GLIS1: variants seen among roughly 807,000 people sequenced by gnomAD.
GLIS1 encodes the protein zinc finger protein GLIS1.
In GLIS1, 24 loss-of-function variants were observed where a neutral mutation model predicts 63.8. That is an observed-to-expected ratio of 0.38 (90% confidence interval 0.27 to 0.53). The LOEUF (loss-of-function observed/expected upper bound fraction) is 0.53, where lower values mean the gene tolerates loss of function less well. GLIS1 is among the 20% of genes least tolerant of loss of function. GLIS1 has a pLI of 0.85. For missense variants in GLIS1, 1,036 were observed against 1,074.1 expected (o/e 0.96, Z 0.50); for synonymous variants, 450 against 482.5 (o/e 0.93, Z 0.88).
intron 7 of GLIS1, among the ~76,000 whole-genome samples, chr1:53,517,273 C>G (rs1203839084): frequency 6.6e-6 from 1 of 151,984 alleles, no homozygotes; most frequent in Non-Finnish European, 1.5e-5. Flanking sequence ...GCTGTGAGAC[C>G]CAGGGGCTCT....
intron 2 of GLIS1, among the ~76,000 whole-genome samples, chr1:53,638,809 G>A (rs1202729178): frequency 6.6e-6 from 1 of 152,148 alleles, no homozygotes; most frequent in Non-Finnish European, 1.5e-5. Flanking sequence ...GGAGTGGCCG[G>A]GGGAGCACAT....
intron 2 of GLIS1, among the ~76,000 whole-genome samples, chr1:53,636,206 A>C (rs1170682619): frequency 6.6e-6 from 1 of 152,218 alleles, no homozygotes; most frequent in Admixed American, 6.5e-5. Context: ...TAAAATATTA[A>C]CAAATGAAAC....
At chr1:53,553,201 G>A (rs548441302) in intron 4 of GLIS1, among the ~76,000 whole-genome samples, 19 of 152,280 alleles carry the variant, frequency 1.2e-4, no homozygotes, top group African/African-American at 4.3e-4. Flanking sequence ...CCTGGAAAGC[G>A]CAGCCTCGGG....
intron 4 of GLIS1, among the ~76,000 whole-genome samples, chr1:53,532,115 T>C (rs879651643): frequency 1.3e-5 from 2 of 152,134 alleles, no homozygotes; most frequent in Non-Finnish European, 2.9e-5. Flanking sequence ...CCAGTGAGCC[T>C]GGACTCCACC....
intron 2 of GLIS1, among the ~76,000 whole-genome samples, chr1:53,704,733 G>T (rs1438861556): frequency 6.6e-6 from 1 of 152,200 alleles, no homozygotes; most frequent in Non-Finnish European, 1.5e-5. Flanking sequence ...TTAGCCCCTG[G>T]CTCTGTGGGC....
intron 4 of GLIS1, among the ~76,000 whole-genome samples, chr1:53,530,220 G>A (rs1348088913): frequency 4.6e-5 from 7 of 152,206 alleles, no homozygotes; most frequent in Admixed American, 2.0e-4. Flanking sequence ...TTCTGGACCC[G>A]AAAGGCTCCC....
intron 2 of GLIS1, among the ~76,000 whole-genome samples, chr1:53,643,234 G>C (rs902006352): frequency 6.6e-6 from 1 of 152,160 alleles, no homozygotes; most frequent in African/African-American, 2.4e-5. Context: ...ATTTACACTT[G>C]GGCCGCTTCT....
chr1:53,681,279 A>G (rs72896791), intron 2 of GLIS1, among the ~76,000 whole-genome samples: 14,225 of 152,308 alleles, frequency 0.093, 1,297 homozygotes, highest in African/African-American at 0.24. Flanking sequence ...AGGGCTGCTC[A>G]TCAGAACCAG....
intron 4 of GLIS1, among the ~76,000 whole-genome samples, chr1:53,548,151 G>A (rs973954842): frequency 6.6e-6 from 1 of 152,172 alleles, no homozygotes; most frequent in Non-Finnish European, 1.5e-5. Flanking sequence ...CATGGGACTT[G>A]GGGGCCAAAG....
At chr1:53,568,433 A>G (rs1644954749) in intron 4 of GLIS1, among the ~76,000 whole-genome samples, 1 of 152,180 alleles carries the variant, frequency 6.6e-6, no homozygotes, top group Non-Finnish European at 1.5e-5. Flanking sequence ...CTTTGGACTC[A>G]GACTTTTGAG....
At chr1:53,642,474 T>G (rs1055881350) in intron 2 of GLIS1, among the ~76,000 whole-genome samples, 9 of 152,190 alleles carry the variant, frequency 5.9e-5, no homozygotes, top group Non-Finnish European at 1.0e-4. Flanking sequence ...GAATGGCTCA[T>G]AGTATCCACA....
intron 2 of GLIS1, among the ~76,000 whole-genome samples, chr1:53,734,989 C>T (rs4927033): frequency 0.1 from 15,853 of 152,100 alleles, 854 homozygotes; most frequent in Middle Eastern, 0.12. Context: ...CACACCATCC[C>T]AGTGCCTCCC....
chr1:53,628,890 G>A (rs753601786), intron 2 of GLIS1, among the ~76,000 whole-genome samples: 5 of 152,114 alleles, frequency 3.3e-5, no homozygotes, highest in Non-Finnish European at 7.4e-5. Flanking sequence ...ATCCTGGCTC[G>A]TCTGTTTACA....
At chr1:53,549,977 G>A (rs1319944853) in intron 4 of GLIS1, among the ~76,000 whole-genome samples, 2 of 152,192 alleles carry the variant, frequency 1.3e-5, no homozygotes, top group Non-Finnish European at 2.9e-5. Flanking sequence ...ACTCCAACTG[G>A]GAAGTGGTGC....
chr1:53,514,323 C>T (rs1644327532), intron 8 of GLIS1, among the ~76,000 whole-genome samples: 1 of 152,030 alleles, frequency 6.6e-6, no homozygotes, highest in Admixed American at 6.5e-5. Flanking sequence ...TGTGGCAGCC[C>T]AGAATGCAGG....
chr1:53,612,552 T>C (rs1645435452), intron 2 of GLIS1, among the ~76,000 whole-genome samples: 1 of 152,088 alleles, frequency 6.6e-6, no homozygotes, highest in Non-Finnish European at 1.5e-5. Context: ...TTAGGCTTAC[T>C]TTTTGGCACT....
At chr1:53,534,352 C>T (rs1186735826) in intron 4 of GLIS1, among the ~76,000 whole-genome samples, 1 of 151,994 alleles carries the variant, frequency 6.6e-6, no homozygotes, top group Non-Finnish European at 1.5e-5. Flanking sequence ...GCCACTGGGG[C>T]GGGGCCTTCC....
chr1:53,522,351 G>T (rs1004069229), intron 6 of GLIS1, among the ~76,000 whole-genome samples: 1 of 152,238 alleles, frequency 6.6e-6, no homozygotes, highest in Non-Finnish European at 1.5e-5. Flanking sequence ...GTCCCCGGGG[G>T]CTCAGTGCGA....
At chr1:53,642,474 T>C (rs1055881350) in intron 2 of GLIS1, among the ~76,000 whole-genome samples, 1 of 152,190 alleles carries the variant, frequency 6.6e-6, no homozygotes, top group African/African-American at 2.4e-5. Context: ...GAATGGCTCA[T>C]AGTATCCACA....
Sources: allele counts gnomAD v4.1 joint callset (sites outside exome capture counted in the v4.1 genomes callset), GRCh38; gene constraint gnomAD v4.1.1; transcripts MANE v1.5; gene names NCBI Gene and HGNC (gene_info 2026-07-23, HGNC 2026-07-21).